Variants in IGSF9 observed in about 807,000 individuals in gnomAD.
IGSF9 encodes the protein protein turtle homolog A.
IGSF9 carries 87 observed loss-of-function variants against 121.7 expected under a neutral mutation model. The observed-to-expected ratio is 0.71, with a 90% CI of 0.60 to 0.85. The LOEUF (loss-of-function observed/expected upper bound fraction) is 0.85. Ranked by LOEUF, IGSF9 falls within the 40% of genes least tolerant of loss-of-function variation. IGSF9 has a pLI of 0.00. For synonymous variants in IGSF9, 640 were observed against 648.4 expected, an observed-to-expected ratio of 0.99 and a Z score of 0.20; for missense variants, 1,462 against 1,565.3, an observed-to-expected ratio of 0.93 and a Z score of 1.11.
rs1571209460 is a variant in IGSF9 at position 159,928,417 on chromosome 1, T to G, written c.2971A>C (p.Thr991Pro). The G allele has an allele frequency of 1.2e-6, 2 of 1,606,362 alleles. No homozygotes were observed. Among genetic ancestry groups the G allele is most frequent in the South Asian group, 1.1e-5 (1 of 89,866 alleles). The stretch of plus-strand genomic sequence containing the variant: ...AGGGCTGTGTAAGGGGGCTCTGCAG[T>G]GGCCCCAGCCCCTACCACAGCCCCA... Reference protein sequence around the residue: ...LPGAVVGAGATAEPPYTALAD... With the variant: ...LPGAVVGAGAPAEPPYTALAD... Residue 991 changes from threonine (T) to proline (P), a missense_variant, in exon 19 of 21, where the codon ACT (threonine) becomes CCT (proline). Thr to Pro is a conservative substitution (Grantham distance 38). This residue lies in a region of IGSF9 where 808 missense variants were observed against 815.2 expected (regional missense o/e 0.99). Transcript: ENST00000368094.
intron 3 of IGSF9, among the ~76,000 whole-genome samples, chr1:159,938,130 G>A (rs1165523763): frequency 2.0e-5 from 3 of 152,158 alleles, no homozygotes; most frequent in African/African-American, 7.2e-5. Context: ...CGGTGTCTAG[G>A]ACTGTTGGGG....
At chr1:159,939,379 C>T (rs1651302423) in intron 3 of IGSF9, among the ~76,000 whole-genome samples, 1 of 152,158 alleles carries the variant, frequency 6.6e-6, no homozygotes, top group South Asian at 2.1e-4. Flanking sequence ...AAGCACGTGT[C>T]ACCATGCCTG....
rs1651021104 is a variant in IGSF9, at chr1:159,932,114, T to A, written c.1246-186A>T. ...CTCTCAATTCCTCTCTGGCTCTGTTTCTGTTCCCCAGTGGGTAGGGGCTGG... is the reference window on the plus strand; with the variant it reads ...CTCTCAATTCCTCTCTGGCTCTGTTACTGTTCCCCAGTGGGTAGGGGCTGG... On this transcript the variant is annotated intron_variant, in intron 10 of 20. Transcript: ENST00000368094. This position sits in a 1 kb window ranked among gnomAD's most constrained non-coding sequence, Gnocchi z 4.1. The A allele has an allele frequency of 1.7e-6, 1 of 578,218 alleles. No individual in the cohort carries two copies. Among genetic ancestry groups the A allele is most frequent in the Non-Finnish European group, 3.0e-6 (1 of 328,618 alleles). 35.8% of individuals were successfully genotyped at this position (578,218 alleles called of 1,614,324 possible).
intron 2 of IGSF9, 95 bp downstream of exon 2, chr1:159,943,302 C>G: frequency 1.5e-6 from 2 of 1,373,276 alleles, no homozygotes; most frequent in Non-Finnish European, 2.0e-6. Flanking sequence ...TATTCCTCCC[C>G]TGCCCTCACA....
intron 9 of IGSF9, chr1:159,933,046 T>A (rs1651054680): frequency 6.1e-6 from 1 of 163,266 alleles, no homozygotes; most frequent in Admixed American, 6.2e-5. Context: ...CCGCCATCCT[T>A]CTTGCTGAAG....
Position 159,934,581 on chromosome 1 carries a change from G to A in IGSF9, c.816-11C>T, listed in dbSNP as rs1651120990. ...CGGGGCTGCAGGCGGCTGCAATGTG[G>A]CATGTGTGAGGAGGGGTCCAGGCCT... is the stretch of plus-strand genomic sequence containing the variant. On this transcript the variant is annotated splice_polypyrimidine_tract_variant and intron_variant, in intron 7 of 20. Transcript: ENST00000368094. 1 of 1,613,610 alleles carries A rather than the reference G, an allele frequency of 6.2e-7. No homozygotes were observed. Among genetic ancestry groups the A allele is most frequent in the East Asian group, 2.2e-5 (1 of 44,870 alleles).
chr1:159,934,113 C>A, intron 9 of IGSF9, 77 bp downstream of exon 9: 3 of 1,497,406 alleles, frequency 2.0e-6, no homozygotes, highest in Admixed American at 2.0e-5. Context: ...TGAATTAAAC[C>A]GAGCTAACTC....
In IGSF9 at chr1:159,934,296, G is replaced by C. The variant is rs1253874353; in HGVS notation, c.998C>G (p.Pro333Arg). 6.2e-7 allele frequency: 1 copy of C among 1,609,876 alleles called. No individual in the cohort carries two copies. Among genetic ancestry groups the C allele is most frequent in the East Asian group, 2.2e-5 (1 of 44,764 alleles). Reference protein sequence around the residue: ...AQVTAMPPETPLPIGMPGVIR... With the variant: ...AQVTAMPPETRLPIGMPGVIR... ...CACCCCCGGCATGCCTATGGGCAGG[G>C]GTGTCTCAGGAGGCATAGCTGTCAC... The change falls in exon 9 of 21, where the codon CCC (proline) becomes CGC (arginine). Residue 333 changes from proline to arginine, a missense_variant. This residue lies in a region of IGSF9 where 558 missense variants were observed against 599.4 expected (regional missense o/e 0.93). Transcript: ENST00000368094.
At chr1:159,941,580 G>A (rs1377382298) in intron 3 of IGSF9, among the ~76,000 whole-genome samples, 3 of 152,214 alleles carry the variant, frequency 2.0e-5, no homozygotes, top group Non-Finnish European at 1.5e-5. Flanking sequence ...AGTGGCTTCA[G>A]GCCTGAGGGA....
chr1:159,934,108 T>G, intron 9 of IGSF9, 82 bp downstream of exon 9: 1 of 1,478,652 alleles, frequency 6.8e-7, no homozygotes, highest in Non-Finnish European at 9.2e-7. Flanking sequence ...TGAACTGAAT[T>G]AAACCGAGCT....
In IGSF9 at chr1:159,929,362, C is replaced by T. The variant is rs146698647; in HGVS notation, c.2358G>A (p.Lys786=). The change falls in exon 18 of 21, where the codon AAG becomes AAA. Residue 786 remains lysine (K), a synonymous_variant. Transcript: ENST00000368094. ...GTGGAGGCACTTACGGTGCAGCTGA[C>T]TTCCCGGTCGGAGAGAAGATAAGAG... ...DPPLIFSPTG[K]SAAPSALGSG... The T allele has an allele frequency of 3.1e-6, 5 of 1,614,192 alleles. No homozygotes were observed. The highest frequency in any genetic ancestry group is 1.3e-5 in the African/African-American group (1 of 75,048).
chr1:159,929,133 G>A (rs971323678), intron 18 of IGSF9, 115 bp from the exon 19 acceptor site: 25 of 1,410,800 alleles, frequency 1.8e-5, no homozygotes, highest in Admixed American at 6.8e-5. Flanking sequence ...AAGAACAAGC[G>A]AGGAAAGGAC....
chr1:159,937,838 CCTGGGGG>C lies in IGSF9; in HGVS notation c.248-7_248-1del. On this transcript the variant is annotated splice_acceptor_variant and splice_polypyrimidine_tract_variant and intron_variant, in intron 3 of 20. Transcript: ENST00000368094. LOFTEE classifies it high-confidence loss of function. ...GGCCCCCTTCTGCAGCCGGACTCGTCCTGGGGGAGGAGCCCTGAATCAAGGGTGCTGA... is the reference window on the plus strand; with the variant it reads ...GGCCCCCTTCTGCAGCCGGACTCGTCAGGAGCCCTGAATCAAGGGTGCTGA... The C allele has an allele frequency of 6.2e-7, 1 of 1,613,204 alleles. No homozygotes were observed. Among genetic ancestry groups the C allele is most frequent in the Non-Finnish European group, 8.5e-7 (1 of 1,179,554 alleles).
At chr1:159,935,586 C>T (rs1382216547) in intron 6 of IGSF9, among the ~76,000 whole-genome samples, 1 of 152,216 alleles carries the variant, frequency 6.6e-6, no homozygotes, top group Non-Finnish European at 1.5e-5. Flanking sequence ...CTCTCTGGGC[C>T]GGTACCGCAT....
chr1:159,936,540 G>C, intron 5 of IGSF9, 24 bp from the exon 6 acceptor site: 3 of 1,607,200 alleles, frequency 1.9e-6, no homozygotes, highest in Non-Finnish European at 2.6e-6. Flanking sequence ...GGGTGAGGAA[G>C]AGTCCTTTCC....
In IGSF9 at chr1:159,943,749, T is replaced by C. The variant is rs111951241; in HGVS notation, c.-174-121A>G. ...GGGAGGAGTGTAGTTAAGTGAGGGGTAGGGGGAAGGGGGGGATCTTGAAGC... is the reference window on the plus strand; with the variant it reads ...GGGAGGAGTGTAGTTAAGTGAGGGGCAGGGGGAAGGGGGGGATCTTGAAGC... On this transcript the variant is annotated intron_variant, in intron 1 of 20. Coordinates refer to ENST00000368094, the MANE Select transcript of IGSF9 (RefSeq NM_001135050.2). 1,102 of 345,340 alleles carry C rather than the reference T, an allele frequency of 3.2e-3. 17 individuals carry two copies. Among genetic ancestry groups the C allele is most frequent in the African/African-American group, 0.023 (1,033 of 44,622 alleles). The allele number at this position is 345,340 out of a possible 1,614,324, so 21.4% of individuals were successfully genotyped here.
chr1:159,941,899 C>T (rs999642285), intron 3 of IGSF9, among the ~76,000 whole-genome samples: 1 of 152,250 alleles, frequency 6.6e-6, no homozygotes, highest in Admixed American at 6.5e-5. Flanking sequence ...CCAATAACTG[C>T]CCCCAGTTTG....
Position 159,943,397 on chromosome 1 carries a change from C to T in IGSF9, c.58G>A (p.Gly20Ser), listed in dbSNP as rs1350307140. ...LSLVISQGAD[G>S]RGKPEVVSVV... ...TCTTGAGCCCAAGAGCTCAGCTTAC[C>T]GTCAGCCCCCTGGCTGATGACCAGG... The change falls in exon 2 of 21, where the codon GGT (glycine) becomes AGT (serine). Residue 20 changes from glycine (G) to serine (S), a missense_variant and splice_region_variant. Physicochemically the swap from Gly to Ser is moderately conservative, Grantham distance 56. Transcript: ENST00000368094. 3.8e-6 allele frequency: 6 copies of T among 1,584,802 alleles called. No homozygotes were observed. The highest frequency in any genetic ancestry group is 1.2e-5 in the South Asian group (1 of 86,412).
intron 3 of IGSF9, among the ~76,000 whole-genome samples, chr1:159,938,207 T>G (rs1046840452): frequency 1.5e-4 from 23 of 152,142 alleles, no homozygotes; most frequent in Non-Finnish European, 2.9e-5. Flanking sequence ...CTCTGGGCTC[T>G]TTATGTAGGG....
Sources: gnomAD v4.1 joint callset for allele counts (sites outside exome capture counted in the v4.1 genomes callset) on GRCh38, gnomAD v4.1.1 for gene constraint, gnomAD v4.1.1 regional missense constraint, Gnocchi (gnomAD v3.1) non-coding constraint, MANE v1.5 for transcripts, NCBI Gene and HGNC (gene_info 2026-07-23, HGNC 2026-07-21) for gene names.